CPQ: variants seen among roughly 807,000 people sequenced by gnomAD.
The protein encoded by CPQ is carboxypeptidase Q, also known as Ser-Met dipeptidase.
A neutral mutation model predicts 45.7 loss-of-function variants in CPQ; 37 were observed. The observed-to-expected ratio is 0.81, with a 90% CI of 0.62 to 1.07. CPQ has a LOEUF of 1.07. CPQ is among the 50% of genes least tolerant of loss of function. The pLI is 0.00. For synonymous variants in CPQ, 186 were observed against 205.8 expected, an observed-to-expected ratio of 0.90 and a Z score of 0.82; for missense variants, 537 against 572.9, an observed-to-expected ratio of 0.94 and a Z score of 0.64.
At position 96,790,243 on chromosome 8, in the gene CPQ, A is replaced by G. The variant is rs143871050; in HGVS notation, c.433+4913A>G. ...GAGAACATTCGTGCTACTGCAAGGG[A>G]GCTAGATGCAGTGATAGTGGCACCT... On this transcript the variant is annotated intron_variant, in intron 2 of 7. Transcript: ENST00000220763. 2.3e-3 allele frequency among the ~76,000 whole-genome samples: 347 copies of G among 152,214 alleles called. 3 individuals carry two copies. The highest frequency in any genetic ancestry group is 8.2e-3 in the African/African-American group (339 of 41,532).
intron 2 of CPQ, among the ~76,000 whole-genome samples, chr8:96,820,264 C>T (rs1811283084): frequency 6.6e-6 from 1 of 152,072 alleles, no homozygotes; most frequent in African/African-American, 2.4e-5. Context: ...CACCATTCTT[C>T]TTCCCAAGCT....
At chr8:96,712,282 G>A (rs1809617056) in intron 1 of CPQ, among the ~76,000 whole-genome samples, 1 of 152,164 alleles carries the variant, frequency 6.6e-6, no homozygotes, top group Non-Finnish European at 1.5e-5. Flanking sequence ...GGCGCATGGT[G>A]TAAGCTGTTG....
chr8:97,069,096 T>C (rs1424905733), intron 7 of CPQ, among the ~76,000 whole-genome samples: 1 of 152,224 alleles, frequency 6.6e-6, no homozygotes, highest in African/African-American at 2.4e-5. Flanking sequence ...CATTCTTTGT[T>C]CTACTCCCTT....
intron 3 of CPQ, among the ~76,000 whole-genome samples, chr8:96,876,637 A>G (rs1812148640): frequency 6.6e-6 from 1 of 152,170 alleles, no homozygotes; most frequent in South Asian, 2.1e-4. Flanking sequence ...TTATCATAAA[A>G]AAGTGCTAGA....
chr8:97,121,328 C>CTTGGACAACAGGAAGGTTGTTG (rs1811698804), intron 7 of CPQ, among the ~76,000 whole-genome samples: 2 of 152,232 alleles, frequency 1.3e-5, no homozygotes, highest in Admixed American at 1.3e-4. Context: ...AATTTCATAC[C>CTTGGACAACAGGAAGGTTGTTG]TTGGACAACA....
At chr8:96,900,856 TC>T (rs1812504119) in intron 4 of CPQ, among the ~76,000 whole-genome samples, 1 of 152,200 alleles carries the variant, frequency 6.6e-6, no homozygotes, top group Non-Finnish European at 1.5e-5. Context: ...GATAACATTT[TC>T]TTTCCTTTAG....
At chr8:96,868,963 CAA>C (rs1470239082) in intron 3 of CPQ, among the ~76,000 whole-genome samples, 4 of 151,852 alleles carry the variant, frequency 2.6e-5, no homozygotes, top group South Asian at 2.1e-4. Context: ...CATTTTAAAA[CAA>C]ATATACTAGA....
chr8:96,693,839 G>T (rs138255653), intron 1 of CPQ, among the ~76,000 whole-genome samples: 1 of 152,132 alleles, frequency 6.6e-6, no homozygotes, highest in African/African-American at 2.4e-5. Context: ...TGTAATTGTG[G>T]TTTGTAAATT....
chr8:97,141,411 C>CA (rs909994750), intron 7 of CPQ, among the ~76,000 whole-genome samples: 11 of 152,052 alleles, frequency 7.2e-5, no homozygotes, highest in South Asian at 4.2e-4. Flanking sequence ...ACATAAATGA[C>CA]AAAAAAATCC....
chr8:96,666,616 A>G (rs1400789558), intron 1 of CPQ, among the ~76,000 whole-genome samples: 2 of 152,238 alleles, frequency 1.3e-5, no homozygotes, highest in African/African-American at 2.4e-5. Context: ...CAAAAACTGT[A>G]TCGACTGGTC....
rs866066993 is a variant in CPQ at position 96,962,914 on chromosome 8, A to T, written c.850-3021A>T. 7.9e-5 allele frequency among the ~76,000 whole-genome samples: 12 copies of T among 152,358 alleles called. 1 individual carries two copies. Among genetic ancestry groups the T allele is most frequent in the Middle Eastern group, 3.4e-3 (1 of 294 alleles). ...CCCCAGTTTTTTTTTCTGATTTAAAAAAATATACTAAAACAAGCTCTCATA... is the reference window on the plus strand; with the variant it reads ...CCCCAGTTTTTTTTTCTGATTTAAATAAATATACTAAAACAAGCTCTCATA... On this transcript the variant is annotated intron_variant, in intron 4 of 7. Coordinates refer to ENST00000220763, the MANE Select transcript of CPQ (RefSeq NM_016134.4).
chr8:97,051,443 C>T (rs1810360869), intron 6 of CPQ, among the ~76,000 whole-genome samples: 1 of 152,096 alleles, frequency 6.6e-6, no homozygotes, highest in African/African-American at 2.4e-5. Context: ...ATAAAGAATA[C>T]TTAGAGATTT....
chr8:96,757,118 G>C (rs1481116031), intron 1 of CPQ, among the ~76,000 whole-genome samples: 4 of 152,076 alleles, frequency 2.6e-5, no homozygotes, highest in African/African-American at 7.2e-5. Flanking sequence ...GGAGGCTGAG[G>C]TGGTAGATCA....
chr8:96,976,267 A>C (rs1026845827), intron 5 of CPQ, among the ~76,000 whole-genome samples: 8 of 150,574 alleles, frequency 5.3e-5, no homozygotes, highest in Admixed American at 3.3e-4. Flanking sequence ...AAAAAAAAAA[A>C]AAAAACCTTA....
At chr8:96,845,251 A>G (rs954649609) in intron 3 of CPQ, among the ~76,000 whole-genome samples, 1 of 152,086 alleles carries the variant, frequency 6.6e-6, no homozygotes, top group African/African-American at 2.4e-5. Flanking sequence ...ATGTCTATCT[A>G]CCTACCTACC....
intron 3 of CPQ, among the ~76,000 whole-genome samples, chr8:96,878,750 A>G (rs551099720): frequency 6.6e-6 from 1 of 152,384 alleles, no homozygotes; most frequent in Non-Finnish European, 1.5e-5. Context: ...GCACCAAGCT[A>G]TCATCTGTTG....
rs148828875 is a variant in CPQ at position 96,675,537 on chromosome 8, G to A, written c.-35+30135G>A. Among the ~76,000 whole-genome samples, 405 of 151,938 alleles carry A rather than the reference G, an allele frequency of 2.7e-3. 5 individuals are homozygous for A. The highest frequency in any genetic ancestry group is 0.014 in the Admixed American group (208 of 15,266). ...ACAAACAGTGTAACACAACATCCTC[G>A]TGCACAGATCATTTTGTGTGAGTGT... On this transcript the variant is annotated intron_variant, in intron 1 of 7. Transcript: ENST00000220763.
chr8:96,766,903 G>C (rs564369669), intron 1 of CPQ, among the ~76,000 whole-genome samples: 1 of 152,074 alleles, frequency 6.6e-6, no homozygotes, highest in Non-Finnish European at 1.5e-5. Flanking sequence ...TGTGTCCTTT[G>C]GTTTATTTTT....
At chr8:96,747,332 T>A (rs571024772) in intron 1 of CPQ, among the ~76,000 whole-genome samples, 50 of 150,954 alleles carry the variant, frequency 3.3e-4, no homozygotes, top group African/African-American at 1.2e-3. Flanking sequence ...ATTATTTGAA[T>A]GGGCCAAGCA....
Sources: gnomAD v4.1 joint callset for allele counts (sites outside exome capture counted in the v4.1 genomes callset) on GRCh38, gnomAD v4.1.1 for gene constraint, MANE v1.5 for transcripts, NCBI Gene and HGNC (gene_info 2026-07-23, HGNC 2026-07-21) for gene names.